Variants in CDH12 observed in about 807,000 individuals in gnomAD.
The protein encoded by CDH12 is cadherin-12.
Under a neutral mutation model 74.1 loss-of-function variants are expected in CDH12, and 41 were observed. The ratio of observed to expected loss-of-function variants is 0.55; its 90% confidence interval spans 0.43 to 0.72. The LOEUF is 0.72. Ranked by LOEUF, CDH12 falls within the 30% of genes least tolerant of loss-of-function variation. The probability of loss-of-function intolerance (pLI) is 0.00; values close to 1 mark genes in which losing one functional copy is unlikely to be tolerated. For synonymous variants in CDH12, 399 were observed against 355.0 expected (o/e 1.12, Z -1.39); for missense variants, 945 against 977.2 (o/e 0.97, Z 0.44).
At chr5:22,203,067 A>G (rs1751013966) in intron 4 of CDH12, among the ~76,000 whole-genome samples, 1 of 152,208 alleles carries the variant, frequency 6.6e-6, no homozygotes, top group East Asian at 1.9e-4. Context: ...GGCAATTAGC[A>G]TATCCATCAT....
At chr5:22,696,333 T>G (rs932271284) in intron 1 of CDH12, among the ~76,000 whole-genome samples, 1 of 135,270 alleles carries the variant, frequency 7.4e-6, no homozygotes, top group Non-Finnish European at 1.5e-5. Context: ...ATGGCGCCAC[T>G]GCACTCCAGC....
intron 6 of CDH12, among the ~76,000 whole-genome samples, chr5:21,880,505 C>CCTT (rs1304688195): frequency 0.03 from 187 of 6,140 alleles, 15 homozygotes; most frequent in Middle Eastern, 0.25. Context: ...CTTCCTTCCT[C>CCTT]CCTCCCTCCC....
chr5:21,870,001 T>C (rs1277955835), intron 6 of CDH12, among the ~76,000 whole-genome samples: 13 of 152,152 alleles, frequency 8.5e-5, no homozygotes, highest in Non-Finnish European at 2.9e-5. Context: ...TCTCCCATAA[T>C]GTTCTTCTGG....
intron 6 of CDH12, among the ~76,000 whole-genome samples, chr5:21,881,839 A>G (rs974609015): frequency 3.3e-5 from 5 of 152,166 alleles, no homozygotes; most frequent in Non-Finnish European, 7.3e-5. Flanking sequence ...TATGTTTTGA[A>G]TCATGGATCT....
intron 8 of CDH12, among the ~76,000 whole-genome samples, chr5:21,841,615 C>G (rs1447223584): frequency 1.5e-4 from 23 of 150,726 alleles, no homozygotes; most frequent in Non-Finnish European, 3.0e-4. Flanking sequence ...ACCCAAATGT[C>G]CAACAATGAT....
At chr5:22,549,337 A>C (rs1738465293) in intron 1 of CDH12, among the ~76,000 whole-genome samples, 3 of 151,866 alleles carry the variant, frequency 2.0e-5, no homozygotes, top group Non-Finnish European at 4.4e-5. Context: ...ATATGTTTTC[A>C]ATTCTAAGGC....
intron 6 of CDH12, among the ~76,000 whole-genome samples, chr5:21,903,501 G>C (rs1035831034): frequency 2.0e-4 from 30 of 152,104 alleles, no homozygotes; most frequent in African/African-American, 5.1e-4. Context: ...GAAGGCTAAG[G>C]GTTCGTTATC....
At chr5:22,417,018 T>C (rs1743421594) in intron 2 of CDH12, among the ~76,000 whole-genome samples, 1 of 152,210 alleles carries the variant, frequency 6.6e-6, no homozygotes, top group East Asian at 1.9e-4. Flanking sequence ...GACTTCTTTG[T>C]TCTCATATAT....
intron 1 of CDH12, among the ~76,000 whole-genome samples, chr5:22,791,632 T>C (rs928859864): frequency 3.9e-5 from 6 of 152,154 alleles, no homozygotes; most frequent in Non-Finnish European, 8.8e-5. Flanking sequence ...GATTGGGTAA[T>C]TCATAAAGAA....
chr5:22,603,962 G>T (rs935912357), intron 1 of CDH12, among the ~76,000 whole-genome samples: 9 of 152,312 alleles, frequency 5.9e-5, no homozygotes, highest in South Asian at 2.1e-4. Flanking sequence ...GCCAGAGAGA[G>T]AGAAGCATAT....
At chr5:21,912,664 A>G (rs1390115838) in intron 6 of CDH12, among the ~76,000 whole-genome samples, 1 of 152,192 alleles carries the variant, frequency 6.6e-6, no homozygotes, top group African/African-American at 2.4e-5. Flanking sequence ...CAGTAGAATC[A>G]TTCAAGATGC....
At chr5:22,542,475 C>T (rs2126720898) in intron 1 of CDH12, among the ~76,000 whole-genome samples, 1 of 152,238 alleles carries the variant, frequency 6.6e-6, no homozygotes, top group African/African-American at 2.4e-5. Context: ...GATTTATAAT[C>T]ACTAGGAGAG....
At chr5:21,788,273 C>G (rs1746304331) in intron 10 of CDH12, among the ~76,000 whole-genome samples, 1 of 152,068 alleles carries the variant, frequency 6.6e-6, no homozygotes, top group Admixed American at 6.6e-5. Flanking sequence ...ATTTGGCTGA[C>G]ATTAGAAGGC....
At chr5:21,763,192 T>A (rs1579654657) in intron 12 of CDH12, among the ~76,000 whole-genome samples, 1 of 152,140 alleles carries the variant, frequency 6.6e-6, no homozygotes, top group African/African-American at 2.4e-5. Context: ...GTCCCCACAT[T>A]ATCAAATGGA....
At chr5:22,522,149 G>T (rs1233723254) in intron 1 of CDH12, among the ~76,000 whole-genome samples, 1 of 152,106 alleles carries the variant, frequency 6.6e-6, no homozygotes, top group Non-Finnish European at 1.5e-5. Context: ...ATTTGAAGAT[G>T]ACTAAGTATT....
At chr5:22,291,472 A>C (rs1031676971) in intron 3 of CDH12, among the ~76,000 whole-genome samples, 2 of 152,174 alleles carry the variant, frequency 1.3e-5, no homozygotes, top group African/African-American at 4.8e-5. Flanking sequence ...TAAAGACTCC[A>C]CTAAAGTGCT....
At chr5:22,045,417 T>C (rs1288024309) in intron 5 of CDH12, among the ~76,000 whole-genome samples, 1 of 152,114 alleles carries the variant, frequency 6.6e-6, no homozygotes, top group Non-Finnish European at 1.5e-5. Flanking sequence ...TTATATGATC[T>C]AGCAATCCCA....
At chr5:22,456,747 AT>A (rs1438626576) in intron 2 of CDH12, among the ~76,000 whole-genome samples, 3 of 152,168 alleles carry the variant, frequency 2.0e-5, no homozygotes, top group Non-Finnish European at 4.4e-5. Flanking sequence ...GACATAATTT[AT>A]GCAAAATTTG....
At chr5:22,566,241 C>CTTT (rs937479137) in intron 1 of CDH12, among the ~76,000 whole-genome samples, 10 of 141,988 alleles carry the variant, frequency 7.0e-5, no homozygotes, top group African/African-American at 2.6e-4. Context: ...TTTTTTCTTT[C>CTTT]TTTTTTTTTT....
Sources: gnomAD v4.1 joint callset for allele counts (sites outside exome capture counted in the v4.1 genomes callset) on GRCh38, gnomAD v4.1.1 for gene constraint, MANE v1.5 for transcripts, NCBI Gene and HGNC (gene_info 2026-07-23, HGNC 2026-07-21) for gene names.